The following VIT variants were observed in gnomAD, a reference collection of about 807,000 sequenced individuals.
The protein encoded by VIT is vitrin.
VIT carries 99 observed loss-of-function variants against 78.0 expected under a neutral mutation model. The ratio of observed to expected loss-of-function variants is 1.27; its 90% CI spans 1.08 to 1.50. The LOEUF (loss-of-function observed/expected upper bound fraction) is 1.50, where lower values mean the gene tolerates loss of function less well. Among genes scored for constraint, VIT ranks in the 40% most tolerant of loss-of-function variants. The pLI, the probability that VIT is intolerant of heterozygous loss-of-function variation, is 0.00. For synonymous variants in VIT, 374 were observed against 334.3 expected (o/e 1.12, Z -1.29); for missense variants, 1,126 against 875.3 (o/e 1.29, Z -3.61).
intron 9 of VIT, 73 bp downstream of exon 9, chr2:36,775,140 T>C: frequency 6.4e-7 from 1 of 1,555,012 alleles, no homozygotes; most frequent in East Asian, 2.3e-5. Flanking sequence ...CATGAGGACC[T>C]CCCCACACAC....
chr2:36,792,262 C>G (rs1183276842), intron 12 of VIT, among the ~76,000 whole-genome samples: 2 of 152,286 alleles, frequency 1.3e-5, no homozygotes, highest in South Asian at 2.1e-4. Context: ...CCCCACCATG[C>G]CACTTCTCTC....
At chr2:36,707,860 G>GA (rs11362905) in intron 1 of VIT, among the ~76,000 whole-genome samples, 28,186 of 141,054 alleles carry the variant, frequency 0.2, 3,200 homozygotes, top group Non-Finnish European at 0.28. Context: ...ATTTCTTTAG[G>GA]AAAAAAAAAA....
intron 6 of VIT, among the ~76,000 whole-genome samples, chr2:36,763,583 C>CTTT (rs70946947): frequency 3.3e-5 from 2 of 60,422 alleles, no homozygotes; most frequent in Admixed American, 2.1e-4. Context: ...TCTATCTTCC[C>CTTT]TTTTTTTTTT....
intron 12 of VIT, among the ~76,000 whole-genome samples, chr2:36,791,070 T>G (rs1665467886): frequency 6.6e-6 from 1 of 152,230 alleles, no homozygotes; most frequent in South Asian, 2.1e-4. Flanking sequence ...ATTGCACACG[T>G]TCTTTGTAAT....
chr2:36,718,609 G>A (rs1666307191), intron 2 of VIT, among the ~76,000 whole-genome samples: 1 of 152,098 alleles, frequency 6.6e-6, no homozygotes, highest in African/African-American at 2.4e-5. Flanking sequence ...CTTCACTTTG[G>A]ATAGGTCCTC....
At chr2:36,753,802 G>C (rs1445820756) in intron 4 of VIT, among the ~76,000 whole-genome samples, 2 of 152,208 alleles carry the variant, frequency 1.3e-5, no homozygotes, top group Non-Finnish European at 2.9e-5. Flanking sequence ...AGCGAGTGAG[G>C]AGGAGTTGGC....
chr2:36,767,012 A>T, intron 6 of VIT, 82 bp from the exon 7 acceptor site: 1 of 1,394,026 alleles, frequency 7.2e-7, no homozygotes, highest in South Asian at 1.7e-5. Flanking sequence ...GCTAGTGTTC[A>T]ATCAACATTT....
At chr2:36,759,753 C>A in intron 6 of VIT, 1 of 823,390 alleles carries the variant, frequency 1.2e-6, no homozygotes, top group Non-Finnish European at 1.5e-6. Context: ...AGGTTCTGTT[C>A]ATGTACTTAA....
At chr2:36,699,172 G>C (rs1664862847) in intron 1 of VIT, among the ~76,000 whole-genome samples, 1 of 152,116 alleles carries the variant, frequency 6.6e-6, no homozygotes, top group Non-Finnish European at 1.5e-5. Context: ...CAATGGGCCT[G>C]TCTGTCAGTA....
chr2:36,789,331 G>A (rs1028285312), intron 12 of VIT, among the ~76,000 whole-genome samples: 9 of 152,182 alleles, frequency 5.9e-5, no homozygotes, highest in Non-Finnish European at 7.3e-5. Flanking sequence ...CAGCCCTGGC[G>A]TCCTGTAATT....
intron 12 of VIT, among the ~76,000 whole-genome samples, chr2:36,798,362 C>A (rs1034040484): frequency 6.6e-6 from 1 of 152,030 alleles, no homozygotes; most frequent in African/African-American, 2.4e-5. Flanking sequence ...GGAATAAAAG[C>A]GAATGAATGT....
chr2:36,700,382 A>G (rs554087628), intron 1 of VIT, among the ~76,000 whole-genome samples: 1 of 152,236 alleles, frequency 6.6e-6, no homozygotes, highest in Non-Finnish European at 1.5e-5. Context: ...GTTGGTGGTG[A>G]TGATGATGAT....
intron 3 of VIT, among the ~76,000 whole-genome samples, chr2:36,733,147 A>C (rs990261958): frequency 6.6e-6 from 1 of 152,178 alleles, no homozygotes; most frequent in African/African-American, 2.4e-5. Flanking sequence ...CAGGACTCCA[A>C]GGCCAATCTG....
chr2:36,728,969 C>T (rs1253731233), intron 2 of VIT, among the ~76,000 whole-genome samples: 1 of 152,128 alleles, frequency 6.6e-6, no homozygotes, highest in Non-Finnish European at 1.5e-5. Flanking sequence ...GAGCAACTTC[C>T]AGTCCCGCAA....
At chr2:36,766,393 A>G (rs1013860757) in intron 6 of VIT, among the ~76,000 whole-genome samples, 2 of 152,096 alleles carry the variant, frequency 1.3e-5, no homozygotes, top group African/African-American at 4.8e-5. Flanking sequence ...TTAGGCAGGT[A>G]TGGTGTCTTG....
At chr2:36,745,306 A>G (rs1668072656) in intron 4 of VIT, among the ~76,000 whole-genome samples, 1 of 151,862 alleles carries the variant, frequency 6.6e-6, no homozygotes, top group Non-Finnish European at 1.5e-5. Flanking sequence ...CTCTTTTATT[A>G]TTCCATATGA....
chr2:36,701,737 C>G (rs1043032035), intron 1 of VIT, among the ~76,000 whole-genome samples: 3 of 152,202 alleles, frequency 2.0e-5, no homozygotes, highest in African/African-American at 7.2e-5. Context: ...TTGTTCCAGA[C>G]AGAGAAAACA....
chr2:36,722,976 T>TTA (rs377088181), intron 2 of VIT, among the ~76,000 whole-genome samples: 5 of 150,788 alleles, frequency 3.3e-5, no homozygotes, highest in Admixed American at 2.0e-4. Flanking sequence ...ATTTTATAAA[T>TTA]TATGTCTATA....
intron 15 of VIT, among the ~76,000 whole-genome samples, chr2:36,812,957 G>A (rs1185969410): frequency 7.0e-6 from 1 of 143,764 alleles, no homozygotes; most frequent in South Asian, 2.2e-4. Context: ...TGCCTCTGAG[G>A]TTCAAGTGAT....
Sources: gnomAD v4.1 joint callset for allele counts (sites outside exome capture counted in the v4.1 genomes callset) on GRCh38, gnomAD v4.1.1 for gene constraint, MANE v1.5 for transcripts, NCBI Gene and HGNC (gene_info 2026-07-23, HGNC 2026-07-21) for gene names.